Variants in CLHC1 observed in about 807,000 individuals in gnomAD.
The protein encoded by CLHC1 is clathrin heavy chain linker domain containing 1, also known as clathrin heavy chain linker domain-containing protein 1.
CLHC1 carries 72 observed loss-of-function variants against 69.5 expected under a neutral mutation model. The observed-to-expected ratio is 1.04, with a 90% confidence interval of 0.86 to 1.26. The LOEUF (loss-of-function observed/expected upper bound fraction) is 1.26. CLHC1 is among the 50% of genes most tolerant of loss of function. The probability of loss-of-function intolerance (pLI) is 0.00; values close to 1 mark genes in which losing one functional copy is unlikely to be tolerated. For missense variants in CLHC1, 790 were observed against 679.3 expected, an observed-to-expected ratio of 1.16 and a Z score of -1.81; for synonymous variants, 223 against 224.3, an observed-to-expected ratio of 0.99 and a Z score of 0.05.
chr2:55,199,023 GC>G (rs1275152202), intron 9 of CLHC1, among the ~76,000 whole-genome samples: 1 of 152,088 alleles, frequency 6.6e-6, no homozygotes, highest in Non-Finnish European at 1.5e-5. Context: ...GTGGCCAGGT[GC>G]AGTGGCTCAT....
chr2:55,212,687 G>T lies in CLHC1; in HGVS notation c.485C>A (p.Ser162Ter). Reference protein sequence around the residue: ...VKYCTFSKDPSKPIPGMTLQE... With the variant: ...VKYCTFSKDP ...AAATACAATACCTGGAATAGGTTTT[G>T]AAGGATCTTTGGAGAAAGTACAATA... The change falls in exon 5 of 13, where the codon TCA becomes TAA. Residue 162 changes from serine to a stop codon, truncating the protein, a stop_gained. Transcript: ENST00000401408. LOFTEE classifies it high-confidence loss of function. 1 of 1,598,764 alleles carries T rather than the reference G, an allele frequency of 6.3e-7. No individual in the cohort carries two copies. Among genetic ancestry groups the T allele is most frequent in the Non-Finnish European group, 8.6e-7 (1 of 1,166,480 alleles).
At chr2:55,211,063 C>T (rs994702108) in intron 5 of CLHC1, among the ~76,000 whole-genome samples, 1 of 152,174 alleles carries the variant, frequency 6.6e-6, no homozygotes, top group African/African-American at 2.4e-5. Context: ...ACTCCTCCCC[C>T]AGAAACTTAC....
chr2:55,188,525 T>A (rs1018948131), intron 9 of CLHC1, among the ~76,000 whole-genome samples: 3 of 152,164 alleles, frequency 2.0e-5, no homozygotes, highest in Non-Finnish European at 4.4e-5. Context: ...ACAAACACTT[T>A]GGGAAAATGT....
At chr2:55,178,321 A>G (rs1462332968) in intron 11 of CLHC1, among the ~76,000 whole-genome samples, 1 of 152,240 alleles carries the variant, frequency 6.6e-6, no homozygotes, top group Non-Finnish European at 1.5e-5. Flanking sequence ...CAAAAATGAA[A>G]ACTTTAAGAA....
At chr2:55,227,023 G>A (rs1040484491) in intron 2 of CLHC1, among the ~76,000 whole-genome samples, 1 of 152,192 alleles carries the variant, frequency 6.6e-6, no homozygotes, top group Non-Finnish European at 1.5e-5. Flanking sequence ...ACCTGATTAT[G>A]TGAATAACAT....
At chr2:55,184,542 T>A (rs1464916663) in intron 9 of CLHC1, among the ~76,000 whole-genome samples, 1 of 151,190 alleles carries the variant, frequency 6.6e-6, no homozygotes, top group Non-Finnish European at 1.5e-5. Flanking sequence ...TTTATAACAT[T>A]CTATCTTCTT....
chr2:55,230,784 G>T (rs1391568650), intron 1 of CLHC1, among the ~76,000 whole-genome samples: 1 of 152,152 alleles, frequency 6.6e-6, no homozygotes, highest in Non-Finnish European at 1.5e-5. Flanking sequence ...ATTGAATTTA[G>T]CAACATGGAG....
chr2:55,222,660 C>G (rs944635303), intron 2 of CLHC1, among the ~76,000 whole-genome samples, 167 bp from the exon 3 acceptor site: 2 of 152,130 alleles, frequency 1.3e-5, no homozygotes, highest in East Asian at 3.8e-4. Context: ...TGGCTCATGC[C>G]TGTAATCCCA....
At position 55,180,634 on chromosome 2, in the gene CLHC1, C is replaced by T. The variant is rs746339567; in HGVS notation, c.1260G>A (p.Leu420=). ...EQDTYNKAKC[L]ALAQIVYSEC... ...CACTGTAGACAATCTGAGCTAAAGC[C>T]AGGCACTTGGCCTTGTTATAAGTAT... The change falls in exon 11 of 13, where the codon CTG becomes CTA. Residue 420 remains leucine, a synonymous_variant. Coordinates refer to ENST00000401408, the MANE Select transcript of CLHC1 (RefSeq NM_152385.4). The T allele has an allele frequency of 8.7e-6, 14 of 1,613,934 alleles. 1 individual carries two copies. In the Admixed American group the frequency reaches 1.5e-4, roughly 17 times the overall value.
intron 11 of CLHC1, among the ~76,000 whole-genome samples, chr2:55,177,997 C>A (rs990115170): frequency 1.3e-5 from 2 of 151,944 alleles, no homozygotes; most frequent in African/African-American, 4.8e-5. Context: ...GGAAAACTAC[C>A]CATAAGAGTA....
chr2:55,180,414 A>C (rs1227696549), intron 11 of CLHC1, 96 bp downstream of exon 11: 3 of 833,082 alleles, frequency 3.6e-6, no homozygotes, highest in Non-Finnish European at 5.7e-6. Context: ...AATTGATTTT[A>C]TAACGTAAGT....
rs1016035074 is a variant in CLHC1, at chr2:55,173,568, A to C, written c.*2222T>G. Among the ~76,000 whole-genome samples, 2 of 152,236 alleles carry C rather than the reference A, an allele frequency of 1.3e-5. No individual in the cohort carries two copies. Among genetic ancestry groups the C allele is most frequent in the East Asian group, 3.8e-4 (2 of 5,200 alleles). Reference sequence around the variant, plus strand: ...AGCATGAGGAAAAGGACACATAGCTAGACAGTGGTGGGGCTGGTCTAGAAT... The same window carrying C: ...AGCATGAGGAAAAGGACACATAGCTCGACAGTGGTGGGGCTGGTCTAGAAT... On this transcript the variant is annotated 3_prime_UTR_variant, in exon 13 of 13. Transcript: ENST00000401408.
chr2:55,198,335 C>A (rs1159483786), intron 9 of CLHC1, among the ~76,000 whole-genome samples: 2 of 152,086 alleles, frequency 1.3e-5, no homozygotes, highest in Non-Finnish European at 2.9e-5. Context: ...CCTATAATCC[C>A]AACACTTTGG....
chr2:55,227,688 A>AG (rs1674844681), intron 2 of CLHC1, among the ~76,000 whole-genome samples: 1 of 151,512 alleles, frequency 6.6e-6, no homozygotes, highest in African/African-American at 2.4e-5. Context: ...AAAAAAAAAA[A>AG]AAAAGTAAAA....
At chr2:55,196,151 C>A (rs1671393719) in intron 9 of CLHC1, among the ~76,000 whole-genome samples, 1 of 152,192 alleles carries the variant, frequency 6.6e-6, no homozygotes, top group Non-Finnish European at 1.5e-5. Context: ...CAGCCCTAGC[C>A]AGAAGAGAAT....
chr2:55,196,643 T>C (rs1399552908), intron 9 of CLHC1, among the ~76,000 whole-genome samples: 1 of 152,118 alleles, frequency 6.6e-6, no homozygotes, highest in Non-Finnish European at 1.5e-5. Flanking sequence ...GCAGGACTCA[T>C]CACCTGCTGA....
At chr2:55,218,062 C>G in intron 3 of CLHC1, 64 bp from the exon 4 acceptor site, 1 of 816,134 alleles carries the variant, frequency 1.2e-6, no homozygotes, top group South Asian at 2.7e-5. Context: ...GATTGAAATT[C>G]TTGCAAATAA....
chr2:55,181,805 T>C (rs770232232), intron 9 of CLHC1, 61 bp from the exon 10 acceptor site: 37 of 1,280,168 alleles, frequency 2.9e-5, no homozygotes, highest in Non-Finnish European at 3.6e-5. Context: ...CTTTTTCTTA[T>C]CTCATATTAC....
rs534555272 is a variant in CLHC1, at chr2:55,173,710, A to C, written c.*2080T>G. Among the ~76,000 whole-genome samples, 6 of 152,276 alleles carry C rather than the reference A, an allele frequency of 3.9e-5. No individual in the cohort carries two copies. Among genetic ancestry groups the C allele is most frequent in the African/African-American group, 1.4e-4 (6 of 41,572 alleles). On this transcript the variant is annotated 3_prime_UTR_variant, in exon 13 of 13. Coordinates refer to ENST00000401408, the MANE Select transcript of CLHC1 (RefSeq NM_152385.4). ...CTCAATTCTTTCTCCTTCCTCATTT[A>C]ACTTTGTAATCTTGCTCTTCCTCCC... is the stretch of plus-strand genomic sequence containing the variant.
Sources: allele counts gnomAD v4.1 joint callset (sites outside exome capture counted in the v4.1 genomes callset), GRCh38; gene constraint gnomAD v4.1.1; transcripts MANE v1.5; gene names NCBI Gene and HGNC (gene_info 2026-07-23, HGNC 2026-07-21).